Variants in GSTCD observed in about 807,000 individuals in gnomAD.
GSTCD encodes glutathione S-transferase C-terminal domain-containing protein.
A neutral mutation model predicts 68.3 loss-of-function variants in GSTCD; 44 were observed. That is an observed-to-expected ratio of 0.64 (90% CI 0.51 to 0.83). The LOEUF (loss-of-function observed/expected upper bound fraction) is 0.83. Ranked by LOEUF, GSTCD falls within the 40% of genes least tolerant of loss-of-function variation. GSTCD has a pLI of 0.00. For synonymous variants in GSTCD, 273 were observed against 255.2 expected (o/e 1.07, Z -0.67); for missense variants, 739 against 735.9 (o/e 1.00, Z -0.05).
At chr4:105,802,079 G>A (rs1004215661) in intron 5 of GSTCD, among the ~76,000 whole-genome samples, 4 of 152,072 alleles carry the variant, frequency 2.6e-5, no homozygotes, top group African/African-American at 9.7e-5. Context: ...TATTCTTATT[G>A]TAAAATGAGG....
chr4:105,727,424 T>C (rs529769334), intron 4 of GSTCD, among the ~76,000 whole-genome samples: 1 of 151,192 alleles, frequency 6.6e-6, no homozygotes, highest in East Asian at 2.0e-4. Flanking sequence ...TTCAGGAGGC[T>C]AAGGCACCAG....
intron 5 of GSTCD, among the ~76,000 whole-genome samples, chr4:105,782,194 G>T (rs1735299551): frequency 6.6e-6 from 1 of 152,052 alleles, no homozygotes; most frequent in Non-Finnish European, 1.5e-5. Context: ...GGAAGAGAAA[G>T]AAAAGGAAAA....
intron 3 of GSTCD, among the ~76,000 whole-genome samples, chr4:105,722,632 G>C (rs1354884469): frequency 1.3e-5 from 2 of 151,976 alleles, no homozygotes; most frequent in Non-Finnish European, 2.9e-5. Flanking sequence ...ATTTTGAATA[G>C]ATGCAACATC....
At chr4:105,748,643 G>C (rs1372389683) in intron 5 of GSTCD, among the ~76,000 whole-genome samples, 2 of 151,978 alleles carry the variant, frequency 1.3e-5, no homozygotes, top group East Asian at 3.8e-4. Flanking sequence ...GAACATGTTT[G>C]CTATTTGCTT....
chr4:105,813,457 C>T (rs1331682764), intron 5 of GSTCD, among the ~76,000 whole-genome samples: 4 of 152,134 alleles, frequency 2.6e-5, no homozygotes. Context: ...CATAAAATTA[C>T]CTTCAGGCTA....
chr4:105,754,022 A>T (rs1221987626), intron 5 of GSTCD, among the ~76,000 whole-genome samples: 1 of 151,842 alleles, frequency 6.6e-6, no homozygotes, highest in Non-Finnish European at 1.5e-5. Flanking sequence ...AATGATGTAG[A>T]TCCCTGTTTT....
chr4:105,790,490 C>T (rs1430317767), intron 5 of GSTCD, among the ~76,000 whole-genome samples: 2 of 151,980 alleles, frequency 1.3e-5, no homozygotes, highest in Non-Finnish European at 2.9e-5. Flanking sequence ...AATTTTAAAA[C>T]AATTAGCCAG....
intron 5 of GSTCD, among the ~76,000 whole-genome samples, chr4:105,730,896 A>G (rs189807586): frequency 2.6e-3 from 394 of 152,302 alleles, no homozygotes; most frequent in African/African-American, 9.3e-3. Flanking sequence ...TAAGTCTTCA[A>G]TCCATCTTGA....
At chr4:105,754,576 G>A (rs140940262) in intron 5 of GSTCD, among the ~76,000 whole-genome samples, 251 of 152,214 alleles carry the variant, frequency 1.6e-3, no homozygotes, top group African/African-American at 4.7e-3. Flanking sequence ...TAGAAATTTT[G>A]CATATGATTA....
chr4:105,735,076 G>A (rs370277355), intron 5 of GSTCD, among the ~76,000 whole-genome samples: 1 of 152,180 alleles, frequency 6.6e-6, no homozygotes, highest in African/African-American at 2.4e-5. Context: ...CGTGTTAGGT[G>A]TCATTCTGCC....
intron 3 of GSTCD, among the ~76,000 whole-genome samples, chr4:105,725,178 ATTC>A (rs1179246127): frequency 6.6e-6 from 1 of 152,040 alleles, no homozygotes; most frequent in African/African-American, 2.4e-5. Flanking sequence ...GAATTATTGT[ATTC>A]TTCTTTTTCT....
At chr4:105,710,237 T>TTA (rs1732482827) in intron 1 of GSTCD, among the ~76,000 whole-genome samples, 1 of 133,200 alleles carries the variant, frequency 7.5e-6, no homozygotes, top group Non-Finnish European at 1.6e-5. Context: ...CATCAATTTT[T>TTA]TTTTTTTTTT....
chr4:105,833,192 C>T (rs1004173581), intron 8 of GSTCD, among the ~76,000 whole-genome samples: 2 of 152,094 alleles, frequency 1.3e-5, no homozygotes, highest in African/African-American at 2.4e-5. Context: ...TCGCTGGGCG[C>T]GGTGGCTCAT....
chr4:105,761,951 T>A (rs1475941678), intron 5 of GSTCD: 1 of 152,224 alleles, frequency 6.6e-6, no homozygotes, highest in Non-Finnish European at 1.5e-5. Context: ...AGGGAGGGAC[T>A]GGATATTGGT....
At chr4:105,753,074 A>G (rs1487076762) in intron 5 of GSTCD, among the ~76,000 whole-genome samples, 1 of 152,022 alleles carries the variant, frequency 6.6e-6, no homozygotes, top group Non-Finnish European at 1.5e-5. Flanking sequence ...TTTCCTAAGC[A>G]CTTTATATTT....
intron 5 of GSTCD, among the ~76,000 whole-genome samples, chr4:105,798,696 G>T (rs1313764727): frequency 9.3e-6 from 1 of 107,790 alleles, no homozygotes; most frequent in Non-Finnish European, 2.1e-5. Flanking sequence ...TCTCAATAAT[G>T]GTCTTGAAAT....
At chr4:105,724,066 G>C (rs1732953434) in intron 3 of GSTCD, among the ~76,000 whole-genome samples, 1 of 151,626 alleles carries the variant, frequency 6.6e-6, no homozygotes, top group African/African-American at 2.4e-5. Flanking sequence ...TTTATTTTCT[G>C]TCCTTTCTGT....
At chr4:105,757,986 G>A (rs1356467837) in intron 5 of GSTCD, among the ~76,000 whole-genome samples, 1 of 152,124 alleles carries the variant, frequency 6.6e-6, no homozygotes, top group African/African-American at 2.4e-5. Context: ...TTATTATACA[G>A]TGAGATAGAA....
intron 5 of GSTCD, among the ~76,000 whole-genome samples, chr4:105,812,592 A>G (rs150877291): frequency 4.5e-4 from 68 of 152,320 alleles, no homozygotes; most frequent in African/African-American, 1.2e-3. Context: ...TTACTGAATT[A>G]GGTTGTGGCC....
Sources: allele counts gnomAD v4.1 joint callset (sites outside exome capture counted in the v4.1 genomes callset), GRCh38; gene constraint gnomAD v4.1.1; transcripts MANE v1.5; gene names NCBI Gene and HGNC (gene_info 2026-07-23, HGNC 2026-07-21).